UGGT2: variants seen among roughly 807,000 people sequenced by gnomAD.
UGGT2 encodes UDP-glucose glycoprotein glucosyltransferase 2.
Under a neutral mutation model 192.1 loss-of-function variants are expected in UGGT2, and 180 were observed. The ratio of observed to expected loss-of-function variants is 0.94; its 90% CI spans 0.83 to 1.06. UGGT2 has a LOEUF of 1.06. Ranked by LOEUF, UGGT2 falls within the 50% of genes least tolerant of loss-of-function variation. The pLI is 0.00. For synonymous variants in UGGT2, 580 were observed against 591.0 expected (o/e 0.98, Z 0.27); for missense variants, 1,849 against 1,795.7 (o/e 1.03, Z -0.54).
chr13:95,906,313 C>G (rs1437403835), intron 20 of UGGT2, among the ~76,000 whole-genome samples: 1 of 152,036 alleles, frequency 6.6e-6, no homozygotes, highest in African/African-American at 2.4e-5. Flanking sequence ...ATTAAACAAC[C>G]TTAAACTATA....
chr13:95,994,012 A>G (rs995388366), intron 7 of UGGT2, among the ~76,000 whole-genome samples: 19 of 152,204 alleles, frequency 1.2e-4, no homozygotes, highest in Admixed American at 1.2e-3. Context: ...TTATATATGT[A>G]TATGAAATGG....
chr13:95,924,873 G>A (rs907895194), intron 20 of UGGT2, among the ~76,000 whole-genome samples: 12 of 152,260 alleles, frequency 7.9e-5, no homozygotes, highest in African/African-American at 2.9e-4. Context: ...CTGCTCCAGT[G>A]AAGCCTTCGG....
At chr13:95,896,142 T>C (rs1395123266) in intron 22 of UGGT2, among the ~76,000 whole-genome samples, 1 of 152,084 alleles carries the variant, frequency 6.6e-6, no homozygotes, top group Admixed American at 6.6e-5. Flanking sequence ...AGAAAACACG[T>C]CAACCAGATT....
chr13:95,981,071 A>C (rs1368825220), intron 10 of UGGT2, among the ~76,000 whole-genome samples: 1 of 152,086 alleles, frequency 6.6e-6, no homozygotes, highest in Non-Finnish European at 1.5e-5. Context: ...TTTAAACTAA[A>C]TGTTTCTTAT....
chr13:95,865,707 G>C (rs1450180576), intron 30 of UGGT2, among the ~76,000 whole-genome samples: 1 of 152,118 alleles, frequency 6.6e-6, no homozygotes, highest in Non-Finnish European at 1.5e-5. Context: ...TAGGGTATGG[G>C]TAGGCTGTAG....
intron 10 of UGGT2, among the ~76,000 whole-genome samples, chr13:95,982,028 T>C (rs2051142082): frequency 6.6e-6 from 1 of 152,222 alleles, no homozygotes; most frequent in African/African-American, 2.4e-5. Context: ...TTTAGTTTAC[T>C]AAATTCAAGA....
chr13:95,913,048 A>C (rs1210475378), intron 20 of UGGT2, among the ~76,000 whole-genome samples: 1 of 152,250 alleles, frequency 6.6e-6, no homozygotes, highest in Non-Finnish European at 1.5e-5. Context: ...TAGAAAGCTG[A>C]AATTGGATCC....
intron 5 of UGGT2, among the ~76,000 whole-genome samples, chr13:96,012,578 C>T (rs1043402608): frequency 2.0e-5 from 3 of 151,940 alleles, no homozygotes; most frequent in African/African-American, 7.2e-5. Context: ...TAGGCAAAGG[C>T]TACGGACAGG....
intron 12 of UGGT2, among the ~76,000 whole-genome samples, chr13:95,951,983 A>C (rs1318155751): frequency 6.6e-6 from 1 of 151,890 alleles, no homozygotes; most frequent in Non-Finnish European, 1.5e-5. Flanking sequence ...GCTTGAACCC[A>C]GGAGGCAGAG....
intron 30 of UGGT2, among the ~76,000 whole-genome samples, chr13:95,866,201 A>G (rs73556802): frequency 0.016 from 2,487 of 152,298 alleles, 62 homozygotes; most frequent in African/African-American, 0.057. Context: ...CTCAGTTTCC[A>G]AAGTTCTACT....
intron 1 of UGGT2, among the ~76,000 whole-genome samples, chr13:96,037,037 A>C (rs867887079): frequency 1.3e-5 from 2 of 152,250 alleles, no homozygotes; most frequent in Non-Finnish European, 2.9e-5. Context: ...CTACCCAGAG[A>C]AAACAGTTAT....
chr13:95,839,360 AG>A (rs149650451), intron 36 of UGGT2, among the ~76,000 whole-genome samples: 2,871 of 152,248 alleles, frequency 0.019, 38 homozygotes, highest in Non-Finnish European at 0.025. Flanking sequence ...GAATTTGTTT[AG>A]TCTGGACATA....
In UGGT2 at chr13:95,909,573, A is replaced by G. The variant is rs1357415713; in HGVS notation, c.2296-6513T>C. ...ACAATGAGATCACGTGGACACAGGA[A>G]GGGGAATATCACATACTGGGGACTG... On this transcript the variant is annotated intron_variant, in intron 20 of 38. Coordinates refer to ENST00000376747, the MANE Select transcript of UGGT2 (RefSeq NM_020121.4). Among the ~76,000 whole-genome samples the G allele has an allele frequency of 7.6e-5, 9 of 118,140 alleles. No individual in the cohort carries two copies. In the East Asian group the frequency reaches 2.4e-3, roughly 31 times the overall value. 77.5% of individuals were successfully genotyped at this position (118,140 alleles called of 152,430 possible).
intron 10 of UGGT2, among the ~76,000 whole-genome samples, chr13:95,978,069 G>C (rs1229996192): frequency 5.9e-5 from 9 of 152,068 alleles, no homozygotes; most frequent in Non-Finnish European, 1.3e-4. Flanking sequence ...AATACCTAAA[G>C]TATGCAGGGC....
chr13:95,814,154 C>A (rs1016257859), intron 38 of UGGT2, among the ~76,000 whole-genome samples: 2 of 152,200 alleles, frequency 1.3e-5, no homozygotes, highest in African/African-American at 4.8e-5. Context: ...CAGAGAGTCC[C>A]CACTGGGGTA....
chr13:95,880,107 T>C (rs944371323), intron 27 of UGGT2, among the ~76,000 whole-genome samples: 1 of 152,208 alleles, frequency 6.6e-6, no homozygotes, highest in Admixed American at 6.5e-5. Flanking sequence ...ATGGAACATA[T>C]TAATTTTTCT....
intron 17 of UGGT2, among the ~76,000 whole-genome samples, chr13:95,936,211 T>C (rs2049458000): frequency 6.6e-6 from 1 of 152,226 alleles, no homozygotes; most frequent in Non-Finnish European, 1.5e-5. Flanking sequence ...TCCTGCTTGG[T>C]CCAGTCTATT....
At chr13:95,876,477 T>C (rs1450848551) in intron 29 of UGGT2, among the ~76,000 whole-genome samples, 1 of 152,112 alleles carries the variant, frequency 6.6e-6, no homozygotes, top group Admixed American at 6.5e-5. Context: ...GGCTACAGGA[T>C]CTGGCAGCTC....
Position 95,854,339 on chromosome 13 carries a change from A to G in UGGT2, c.4145T>C (p.Leu1382Pro). ...FWKTGYWASH[L>P]LRRKYHISAL... ...CCTGATATGGTATTTCCGTCTTAAA[A>G]GATGTGATGCCCAGTATCCTGTTTT... Residue 1382 changes from leucine (L) to proline (P), a missense_variant, in exon 35 of 39, where the codon CTT becomes CCT. By Grantham distance (98) the Leu-to-Pro change is moderately conservative. Transcript: ENST00000376747. 2 of 1,613,036 alleles carry G rather than the reference A, an allele frequency of 1.2e-6. No homozygotes were observed. Among genetic ancestry groups the G allele is most frequent in the Non-Finnish European group, 1.7e-6 (2 of 1,179,608 alleles).
Sources: allele counts gnomAD v4.1 joint callset (sites outside exome capture counted in the v4.1 genomes callset), GRCh38; gene constraint gnomAD v4.1.1; transcripts MANE v1.5; gene names NCBI Gene and HGNC (gene_info 2026-07-23, HGNC 2026-07-21).